KANK1: variants seen among roughly 807,000 people sequenced by gnomAD.
The protein encoded by KANK1 is KN motif and ankyrin repeat domains 1.
KANK1 carries 109 observed loss-of-function variants against 106.2 expected under a neutral mutation model. The observed-to-expected ratio is 1.03, with a 90% CI of 0.88 to 1.20. KANK1 has a LOEUF of 1.20. Among genes scored for constraint, KANK1 ranks in the 50% most tolerant of loss-of-function variants. KANK1 has a pLI of 0.00. For synonymous variants in KANK1, 873 were observed against 652.2 expected (o/e 1.34, Z -5.16); for missense variants, 2,399 against 1,710.7 (o/e 1.40, Z -7.10).
intron 1 of KANK1, among the ~76,000 whole-genome samples, chr9:589,181 C>T (rs139589243): frequency 6.6e-6 from 1 of 152,292 alleles, no homozygotes; most frequent in African/African-American, 2.4e-5. Context: ...CTCATTCGAT[C>T]CTCACAACAC....
chr9:647,382 T>G (rs1839908523), intron 1 of KANK1, among the ~76,000 whole-genome samples: 1 of 150,928 alleles, frequency 6.6e-6, no homozygotes, highest in Non-Finnish European at 1.5e-5. Flanking sequence ...TTTATTATAT[T>G]TATGACATAT....
At position 716,248 on chromosome 9, in the gene KANK1, G is replaced by C. The variant is rs560751267; in HGVS notation, c.2698+2784G>C. 3.2e-4 allele frequency among the ~76,000 whole-genome samples: 49 copies of C among 152,310 alleles called. 1 individual carries two copies. Among genetic ancestry groups the C allele is most frequent in the African/African-American group, 1.1e-3 (46 of 41,578 alleles). The stretch of plus-strand genomic sequence containing the variant: ...TCTGTCACTAGAACAGATTGTCTTT[G>C]TTCCTTCACAGGGTTGTAATGAAGA... On this transcript the variant is annotated intron_variant, in intron 3 of 11. Transcript: ENST00000382297.
At chr9:745,141 A>G in intron 11 of KANK1, 32 bp from the exon 12 acceptor site, 1 of 1,610,408 alleles carries the variant, frequency 6.2e-7, no homozygotes. Flanking sequence ...TCACTTATTA[A>G]CCCCCAGTTT....
Position 597,455 on chromosome 9 carries a change from A to G in KANK1, c.-83-79435A>G, listed in dbSNP as rs185914102. Reference sequence around the variant, plus strand: ...TATGGTTTTGATTTATATTTTCCTAATGATTAATGGTATTTATCTTTCCAT... The same window carrying G: ...TATGGTTTTGATTTATATTTTCCTAGTGATTAATGGTATTTATCTTTCCAT... On this transcript the variant is annotated intron_variant, in intron 1 of 11. Transcript: ENST00000382297. 2.6e-5 allele frequency among the ~76,000 whole-genome samples: 4 copies of G among 151,800 alleles called. No individual in the cohort carries two copies. The East Asian group carries it at 7.7e-4, about 29-fold the overall frequency.
chr9:546,665 C>G (rs1438083869), intron 1 of KANK1, among the ~76,000 whole-genome samples: 1 of 151,740 alleles, frequency 6.6e-6, no homozygotes, highest in African/African-American at 2.4e-5. Flanking sequence ...CCTCTCCCAC[C>G]CCCACTCCCC....
At chr9:553,675 A>G (rs2061409808) in intron 1 of KANK1, among the ~76,000 whole-genome samples, 1 of 152,250 alleles carries the variant, frequency 6.6e-6, no homozygotes, top group Non-Finnish European at 1.5e-5. Context: ...GAGATGAAGT[A>G]TGAGAAAAAT....
intron 1 of KANK1, among the ~76,000 whole-genome samples, chr9:645,751 G>A (rs1489872388): frequency 1.3e-5 from 2 of 150,636 alleles, no homozygotes; most frequent in South Asian, 4.1e-4. Context: ...GTGTGGTGGT[G>A]GCATGCACCT....
chr9:606,903 A>G lies in KANK1; in HGVS notation c.-83-69987A>G, dbSNP rs115199717. On this transcript the variant is annotated intron_variant, in intron 1 of 11. Coordinates refer to ENST00000382297, the MANE Select transcript of KANK1 (RefSeq NM_015158.5). ...AGTCCCTGCTCTCAGAAGGTTTAGAATGAGATAAGGCAGGCTACTGAGTTG... is the reference window on the plus strand; with the variant it reads ...AGTCCCTGCTCTCAGAAGGTTTAGAGTGAGATAAGGCAGGCTACTGAGTTG... Among the ~76,000 whole-genome samples the G allele has an allele frequency of 5.9e-3, 899 of 151,820 alleles. 29 individuals are homozygous for G. Among genetic ancestry groups the G allele is most frequent in the African/African-American group, 0.021 (863 of 41,120 alleles).
chr9:536,618 C>G (rs966889016), intron 1 of KANK1, among the ~76,000 whole-genome samples: 1 of 152,210 alleles, frequency 6.6e-6, no homozygotes, highest in African/African-American at 2.4e-5. Flanking sequence ...TCCCATCTTT[C>G]TGTCTCTGAC....
At chr9:717,958 T>C (rs551964091) in intron 3 of KANK1, among the ~76,000 whole-genome samples, 10 of 151,992 alleles carry the variant, frequency 6.6e-5, no homozygotes, top group African/African-American at 2.4e-4. Flanking sequence ...GCTTCCGTAT[T>C]TATACTCTTA....
rs1306172421 is a variant in KANK1 at position 514,138 on chromosome 9, CCCTCCCTT to C, written c.-84+9389_-84+9396del. ...TTCCTCCCTCTCTCTCTCCCTCCCT[CCCTCCCTT>C]CCTCTCTCCCTCCCTTCCTCTCTCC... On this transcript the variant is annotated intron_variant, in intron 1 of 11. Transcript: ENST00000382297. Among the ~76,000 whole-genome samples the C allele has an allele frequency of 4.8e-5, 4 of 83,436 alleles. 1 individual carries two copies. Among genetic ancestry groups the C allele is most frequent in the African/African-American group, 2.2e-4 (3 of 13,568 alleles). The allele number at this position is 83,436 out of a possible 152,430, so 54.7% of individuals were successfully genotyped here. A position where few individuals can be genotyped will look rare whatever the true frequency, so the allele number is the denominator to read the frequency against.
intron 1 of KANK1, among the ~76,000 whole-genome samples, chr9:562,282 G>A (rs1816697461): frequency 6.6e-6 from 1 of 151,680 alleles, no homozygotes; most frequent in African/African-American, 2.4e-5. Context: ...TCGATCTCCT[G>A]ACCTCATGAT....
At chr9:555,956 C>T (rs1046899196) in intron 1 of KANK1, among the ~76,000 whole-genome samples, 3 of 152,172 alleles carry the variant, frequency 2.0e-5, no homozygotes, top group African/African-American at 4.8e-5. Context: ...TCAGTGCTCA[C>T]ATTTAAAGTA....
At chr9:561,621 C>G (rs533890053) in intron 1 of KANK1, among the ~76,000 whole-genome samples, 1 of 152,276 alleles carries the variant, frequency 6.6e-6, no homozygotes, top group African/African-American at 2.4e-5. Context: ...TGCTTCTTAC[C>G]AGTAATAGGA....
intron 1 of KANK1, among the ~76,000 whole-genome samples, chr9:578,056 C>T (rs1301832031): frequency 6.6e-6 from 1 of 152,104 alleles, no homozygotes; most frequent in South Asian, 2.1e-4. Context: ...ATCACTTCCT[C>T]CACAAGAACT....
rs531151881 is a variant in KANK1, at chr9:610,561, C to G, written c.-83-66329C>G. 2.4e-4 allele frequency among the ~76,000 whole-genome samples: 37 copies of G among 152,298 alleles called. No individual in the cohort carries two copies. The South Asian group carries it at 3.7e-3, about 15-fold the overall frequency. On this transcript the variant is annotated intron_variant, in intron 1 of 11. Coordinates refer to ENST00000382297, the MANE Select transcript of KANK1 (RefSeq NM_015158.5). ...ATAGCAGCTGGTTTGACCGAGTACC[C>G]TCTGCTGCGTCAGGTAATGTTAAAT...
rs141201397 is a variant in KANK1, at chr9:709,431, G to A, written c.38-1373G>A. ...CCAGTCTGCAAAAGACAGCAGCAGG[G>A]ACATCTCATCCCAGGCCTCCTGGTT... On this transcript the variant is annotated intron_variant, in intron 2 of 11. Coordinates refer to ENST00000382297, the MANE Select transcript of KANK1 (RefSeq NM_015158.5). 3.5e-3 allele frequency among the ~76,000 whole-genome samples: 534 copies of A among 152,218 alleles called. 5 individuals carry two copies. The highest frequency in any genetic ancestry group is 5.8e-3 in the Non-Finnish European group (394 of 67,994).
rs370429455 is a variant in KANK1, at chr9:716,694, T to G, written c.2698+3230T>G. ...TTTTCAGTATGCAAAAAAGTGTTAT[T>G]TTTAGCAGCATCATAATGCTTAACA... On this transcript the variant is annotated intron_variant, in intron 3 of 11. Coordinates refer to ENST00000382297, the MANE Select transcript of KANK1 (RefSeq NM_015158.5). Among the ~76,000 whole-genome samples the G allele has an allele frequency of 2.6e-5, 4 of 152,328 alleles. No homozygotes were observed. In the East Asian group the frequency reaches 7.7e-4, roughly 29 times the overall value.
chr9:696,647 G>C (rs1458629620), intron 2 of KANK1, among the ~76,000 whole-genome samples: 1 of 152,100 alleles, frequency 6.6e-6, no homozygotes, highest in East Asian at 1.9e-4. Context: ...GGAGGTGCTG[G>C]ATTGGGGCTA....
Sources: gnomAD v4.1 joint callset for allele counts (sites outside exome capture counted in the v4.1 genomes callset) on GRCh38, gnomAD v4.1.1 for gene constraint, MANE v1.5 for transcripts, NCBI Gene and HGNC (gene_info 2026-07-23, HGNC 2026-07-21) for gene names.